CDYL: variants seen among roughly 807,000 people sequenced by gnomAD.
CDYL encodes chromodomain Y like.
Under a neutral mutation model 47.3 loss-of-function variants are expected in CDYL, and 8 were observed. The ratio of observed to expected loss-of-function variants is 0.17; its 90% CI spans 0.10 to 0.31. CDYL has a LOEUF of 0.31. Ranked by LOEUF, CDYL falls within the 10% of genes least tolerant of loss-of-function variation. CDYL has a pLI of 1.00. For missense variants in CDYL, 471 were observed against 701.4 expected (o/e 0.67, Z 3.71); for synonymous variants, 266 against 265.0 (o/e 1.00, Z -0.04).
chr6:4,866,276 G>T (rs1255203029), intron 1 of CDYL, among the ~76,000 whole-genome samples: 1 of 152,140 alleles, frequency 6.6e-6, no homozygotes, highest in Admixed American at 6.5e-5. Context: ...CTTTAAGAAT[G>T]TTAAAGAGAA....
chr6:4,911,334 A>G (rs1345825343), intron 2 of CDYL, among the ~76,000 whole-genome samples: 6 of 152,354 alleles, frequency 3.9e-5, no homozygotes, highest in African/African-American at 1.2e-4. Context: ...GTGGCATGTG[A>G]TAAGAGTGTG....
intron 3 of CDYL, among the ~76,000 whole-genome samples, chr6:4,762,822 A>G (rs1034047020): frequency 1.1e-4 from 16 of 152,158 alleles, no homozygotes; most frequent in African/African-American, 2.7e-4. Flanking sequence ...AAGCTGTAAC[A>G]TACGTTCATT....
At chr6:4,914,654 G>A (rs143067471) in intron 2 of CDYL, among the ~76,000 whole-genome samples, 1 of 152,266 alleles carries the variant, frequency 6.6e-6, no homozygotes, top group Non-Finnish European at 1.5e-5. Flanking sequence ...AGCTGTGCAC[G>A]GGCCTATTCT....
At chr6:4,846,277 C>T (rs190699591) in intron 1 of CDYL, among the ~76,000 whole-genome samples, 61 of 151,846 alleles carry the variant, frequency 4.0e-4, no homozygotes, top group African/African-American at 1.4e-3. Context: ...ACAGGGTGCA[C>T]GGCAAATGTG....
At chr6:4,951,374 G>A (rs1387422588) in intron 5 of CDYL, among the ~76,000 whole-genome samples, 3 of 151,982 alleles carry the variant, frequency 2.0e-5, no homozygotes, top group African/African-American at 7.3e-5. Context: ...CCTTATCTCG[G>A]CATCTGTGAG....
intron 2 of CDYL, among the ~76,000 whole-genome samples, chr6:4,730,883 G>A (rs1055387805): frequency 1.3e-5 from 2 of 151,948 alleles, no homozygotes; most frequent in Non-Finnish European, 2.9e-5. Context: ...CACACATTCC[G>A]CCTTGCTCTC....
intron 1 of CDYL, among the ~76,000 whole-genome samples, chr6:4,812,571 A>C (rs188030748): frequency 6.6e-6 from 1 of 152,206 alleles, no homozygotes; most frequent in Admixed American, 6.5e-5. Context: ...TTTAATGGCC[A>C]TAGCATTATA....
At chr6:4,931,179 G>A (rs1758023922) in intron 2 of CDYL, among the ~76,000 whole-genome samples, 1 of 152,212 alleles carries the variant, frequency 6.6e-6, no homozygotes, top group African/African-American at 2.4e-5. Context: ...AACATGTACT[G>A]AGTGTTGTAT....
At chr6:4,906,348 A>G (rs1757236223) in intron 2 of CDYL, among the ~76,000 whole-genome samples, 1 of 152,350 alleles carries the variant, frequency 6.6e-6, no homozygotes, top group Middle Eastern at 3.4e-3. Context: ...TTGTATAGGA[A>G]TACCATGAGA....
At chr6:4,714,181 C>T (rs375901479) in intron 1 of CDYL, 2 of 151,204 alleles carry the variant, frequency 1.3e-5, no homozygotes, top group South Asian at 4.2e-4. Context: ...AGACTGACTC[C>T]ACAGTCCATG....
intron 1 of CDYL, among the ~76,000 whole-genome samples, chr6:4,840,713 T>G (rs1760462067): frequency 6.6e-6 from 1 of 152,222 alleles, no homozygotes; most frequent in Non-Finnish European, 1.5e-5. Context: ...CTTGCGTATT[T>G]TAAACCATCC....
chr6:4,708,365 G>A (rs1340421641), intron 1 of CDYL, among the ~76,000 whole-genome samples: 2 of 152,058 alleles, frequency 1.3e-5, no homozygotes, highest in African/African-American at 4.8e-5. Context: ...TCACCATGTT[G>A]TCCAGGCTGA....
chr6:4,739,858 CAG>C (rs1286252148), intron 3 of CDYL, among the ~76,000 whole-genome samples: 1 of 151,830 alleles, frequency 6.6e-6, no homozygotes, highest in African/African-American at 2.4e-5. Flanking sequence ...GAGGCTGAGA[CAG>C]GAGAATCGCT....
At chr6:4,723,378 A>C (rs1430572387) in intron 2 of CDYL, among the ~76,000 whole-genome samples, 1 of 152,038 alleles carries the variant, frequency 6.6e-6, no homozygotes, top group Admixed American at 6.6e-5. Context: ...GCTGAGCAGG[A>C]ATCAGTCAGG....
chr6:4,765,680 C>T (rs1470589890), intron 3 of CDYL, among the ~76,000 whole-genome samples: 4 of 151,910 alleles, frequency 2.6e-5, no homozygotes, highest in African/African-American at 7.2e-5. Flanking sequence ...TCTCTTGCCT[C>T]GGCCTCCCAT....
chr6:4,844,533 C>T (rs762943922), intron 1 of CDYL, among the ~76,000 whole-genome samples: 25 of 152,164 alleles, frequency 1.6e-4, no homozygotes, highest in Non-Finnish European at 3.2e-4. Flanking sequence ...TCTGTCCGTC[C>T]GAGTGGGAGC....
chr6:4,714,629 G>A (rs1378253636), intron 1 of CDYL: 1 of 152,248 alleles, frequency 6.6e-6, no homozygotes, highest in Non-Finnish European at 1.5e-5. Flanking sequence ...CAGCTACCCT[G>A]AACATTCCCT....
intron 1 of CDYL, among the ~76,000 whole-genome samples, chr6:4,860,449 G>T (rs962932420): frequency 6.7e-6 from 1 of 150,306 alleles, no homozygotes; most frequent in Non-Finnish European, 1.5e-5. Context: ...TGGGGAGCTT[G>T]TTAGCAATTA....
intron 3 of CDYL, among the ~76,000 whole-genome samples, chr6:4,758,979 T>G (rs1477073445): frequency 3.4e-5 from 5 of 148,976 alleles, no homozygotes; most frequent in Non-Finnish European, 7.4e-5. Context: ...TTTTTTTTTT[T>G]TTTTTTGAGA....
Sources: allele counts gnomAD v4.1 joint callset (sites outside exome capture counted in the v4.1 genomes callset), GRCh38; gene constraint gnomAD v4.1.1; transcripts MANE v1.5; gene names NCBI Gene and HGNC (gene_info 2026-07-23, HGNC 2026-07-21).